The following DLC1 variants were observed in gnomAD, a reference collection of about 807,000 sequenced individuals.
DLC1 encodes DLC1 Rho GTPase activating protein, also known as rho GTPase-activating protein 7.
In DLC1, 54 loss-of-function variants were observed where a neutral mutation model predicts 140.3. The ratio of observed to expected loss-of-function variants is 0.38; its 90% CI spans 0.31 to 0.48. The LOEUF (loss-of-function observed/expected upper bound fraction) is 0.48. Among genes scored for constraint, DLC1 ranks in the 20% least tolerant of loss-of-function variants. The pLI is 0.96. For missense variants in DLC1, 2,536 were observed against 1,907.0 expected (o/e 1.33, Z -6.14); for synonymous variants, 986 against 728.1 (o/e 1.35, Z -5.70).
chr8:13,165,642 C>T (rs1048318514), intron 5 of DLC1, among the ~76,000 whole-genome samples: 4 of 152,204 alleles, frequency 2.6e-5, no homozygotes, highest in Non-Finnish European at 5.9e-5. Flanking sequence ...AACAGCTGCT[C>T]CTTCAACTAC....
intron 12 of DLC1, among the ~76,000 whole-genome samples, chr8:13,093,127 A>G (rs1184216612): frequency 3.6e-5 from 5 of 140,580 alleles, no homozygotes; most frequent in African/African-American, 5.0e-5. Context: ...TTTACAGAAC[A>G]GTTTTTTCTT....
At position 13,177,653 on chromosome 8, in the gene DLC1, T is replaced by C. The variant is rs566208370; in HGVS notation, c.1349-61996A>G. On this transcript the variant is annotated intron_variant, in intron 5 of 17. Coordinates refer to ENST00000276297, the MANE Select transcript of DLC1 (RefSeq NM_182643.3). ...GCAATACTGAGGTCTGCAAATGAAATTGTAATCTAGGGCAAAAATGCCTAT... is the reference window on the plus strand; with the variant it reads ...GCAATACTGAGGTCTGCAAATGAAACTGTAATCTAGGGCAAAAATGCCTAT... 2.1e-3 allele frequency among the ~76,000 whole-genome samples: 317 copies of C among 152,300 alleles called. 1 individual carries two copies. The highest frequency in any genetic ancestry group is 7.3e-3 in the African/African-American group (304 of 41,552).
At chr8:13,600,250 C>T (rs1805830595) in intron 1 of DLC1, among the ~76,000 whole-genome samples, 1 of 151,832 alleles carries the variant, frequency 6.6e-6, no homozygotes, top group Non-Finnish European at 1.5e-5. Context: ...TTTTATTTAA[C>T]TTATAAATTA....
At chr8:13,507,177 A>G (rs541263241) in intron 1 of DLC1, among the ~76,000 whole-genome samples, 9 of 152,214 alleles carry the variant, frequency 5.9e-5, no homozygotes, top group African/African-American at 1.9e-4. Flanking sequence ...CAAATTACCT[A>G]GCAAACTAAA....
intron 4 of DLC1, among the ~76,000 whole-genome samples, chr8:13,379,243 A>C (rs532470318): frequency 5.3e-5 from 8 of 152,314 alleles, no homozygotes; most frequent in African/African-American, 1.4e-4. Context: ...GCCTGGAGTC[A>C]GCCTGGCCTA....
intron 5 of DLC1, among the ~76,000 whole-genome samples, chr8:13,240,453 C>T (rs1344447212): frequency 6.6e-6 from 1 of 152,196 alleles, no homozygotes; most frequent in Non-Finnish European, 1.5e-5. Flanking sequence ...GACAGGGTCT[C>T]TCTCTTGCCC....
At chr8:13,303,176 A>G (rs1832272134) in intron 5 of DLC1, among the ~76,000 whole-genome samples, 1 of 152,230 alleles carries the variant, frequency 6.6e-6, no homozygotes, top group Admixed American at 6.5e-5. Flanking sequence ...ATAGAAATTC[A>G]TTCTGGAGTA....
At chr8:13,527,114 C>T (rs1395724870) in intron 1 of DLC1, among the ~76,000 whole-genome samples, 1 of 152,090 alleles carries the variant, frequency 6.6e-6, no homozygotes, top group Non-Finnish European at 1.5e-5. Context: ...TATTTTATAA[C>T]TTAAAGCTAC....
intron 1 of DLC1, among the ~76,000 whole-genome samples, chr8:13,508,673 C>T (rs143720335): frequency 1.2e-4 from 18 of 152,228 alleles, no homozygotes; most frequent in African/African-American, 4.1e-4. Context: ...CCACCTCGGC[C>T]TCCCAAAGTG....
intron 2 of DLC1, among the ~76,000 whole-genome samples, chr8:13,474,756 G>T (rs574955447): frequency 6.6e-6 from 1 of 152,314 alleles, no homozygotes; most frequent in Admixed American, 6.5e-5. Context: ...CTGCTCCATT[G>T]GATTTCGGAC....
At chr8:13,436,933 G>T (rs72603967) in intron 2 of DLC1, among the ~76,000 whole-genome samples, 15,241 of 151,846 alleles carry the variant, frequency 0.1, 858 homozygotes, top group South Asian at 0.16. Flanking sequence ...CTTATTTTTC[G>T]TTTCTAAGAG....
chr8:13,430,395 T>C (rs1216504417), intron 2 of DLC1, among the ~76,000 whole-genome samples: 2 of 152,322 alleles, frequency 1.3e-5, no homozygotes, highest in African/African-American at 4.8e-5. Flanking sequence ...TTATTTCCAA[T>C]GCTGCTTAAT....
At chr8:13,468,835 T>C (rs1238970122) in intron 2 of DLC1, among the ~76,000 whole-genome samples, 2 of 120,992 alleles carry the variant, frequency 1.7e-5, no homozygotes, top group African/African-American at 6.0e-5. Flanking sequence ...TTTTTTTTTT[T>C]TTTTAAGATG....
chr8:13,380,859 A>C (rs1237694128), intron 4 of DLC1, among the ~76,000 whole-genome samples: 1 of 152,176 alleles, frequency 6.6e-6, no homozygotes, highest in African/African-American at 2.4e-5. Flanking sequence ...GCCTTCTTGG[A>C]GGTTATAATA....
Position 13,097,180 on chromosome 8 carries a change from G to C in DLC1, c.3167+1219C>G, listed in dbSNP as rs1022632802. Among the ~76,000 whole-genome samples, 4 of 152,050 alleles carry C rather than the reference G, an allele frequency of 2.6e-5. No individual in the cohort carries two copies. In the East Asian group the frequency reaches 7.7e-4, roughly 29 times the overall value. ...TAAAATAATTATTCACTGTTAGACA[G>C]TCTTTGCTAGAAAAAAAGTAACCTG... On this transcript the variant is annotated intron_variant, in intron 10 of 17. Transcript: ENST00000276297.
chr8:13,497,303 G>A lies in DLC1; in HGVS notation c.1023+1746C>T, dbSNP rs530328136. The stretch of plus-strand genomic sequence containing the variant: ...ATGCATAAAACAAAAATTCTTACAC[G>A]TTTTAGTTCTAAGGGCTTCTCACAT... On this transcript the variant is annotated intron_variant, in intron 2 of 17. Transcript: ENST00000276297. Among the ~76,000 whole-genome samples, 74 of 152,124 alleles carry A rather than the reference G, an allele frequency of 4.9e-4. 1 individual carries two copies. Among genetic ancestry groups the A allele is most frequent in the South Asian group, 2.7e-3 (13 of 4,812 alleles).
chr8:13,302,914 G>T (rs1832260668), intron 5 of DLC1, among the ~76,000 whole-genome samples: 1 of 152,016 alleles, frequency 6.6e-6, no homozygotes, highest in African/African-American at 2.4e-5. Context: ...TATTTTTAAT[G>T]TTTCAAATAA....
At chr8:13,401,358 G>C (rs1837287507) in intron 3 of DLC1, 112 bp downstream of exon 3, 7 of 1,353,568 alleles carry the variant, frequency 5.2e-6, no homozygotes, top group Non-Finnish European at 7.0e-6. Flanking sequence ...ACTGTACTGG[G>C]GTTACATGTT....
chr8:13,588,689 A>G (rs934832224), intron 1 of DLC1, among the ~76,000 whole-genome samples: 5 of 152,258 alleles, frequency 3.3e-5, no homozygotes, highest in African/African-American at 9.6e-5. Context: ...TCAATATAAG[A>G]CAATTCAGAA....
Sources: gnomAD v4.1 joint callset for allele counts (sites outside exome capture counted in the v4.1 genomes callset) on GRCh38, gnomAD v4.1.1 for gene constraint, MANE v1.5 for transcripts, NCBI Gene and HGNC (gene_info 2026-07-23, HGNC 2026-07-21) for gene names.